The following CASTOR2 variants were observed in gnomAD, a reference collection of about 807,000 sequenced individuals.
CASTOR2 encodes cytosolic arginine sensor for mTORC1 subunit 2, also known as GATS protein like 2.
A neutral mutation model predicts 31.2 loss-of-function variants in CASTOR2; 8 were observed. That is an observed-to-expected ratio of 0.26 (90% confidence interval 0.15 to 0.46). The LOEUF is 0.46. CASTOR2 is among the 20% of genes least tolerant of loss of function. The pLI is 0.99. For missense variants in CASTOR2, 216 were observed against 382.1 expected (o/e 0.57, Z 3.62); for synonymous variants, 162 against 158.7 (o/e 1.02, Z -0.16).
At chr7:74,988,839 G>T (rs1247983110) in intron 1 of CASTOR2, among the ~76,000 whole-genome samples, 3 of 148,198 alleles carry the variant, frequency 2.0e-5, no homozygotes, top group Non-Finnish European at 4.4e-5. Context: ...GGCAGCCTGC[G>T]ATCTTCTGAG....
At position 75,026,189 on chromosome 7, in the gene CASTOR2, G is replaced by GGTTTTTTTTTTT. The variant is rs1554440884; in HGVS notation, c.*1490_*1491insGTTTTTTTTTTT. ...CCCTGTGGTTTTGGCTCTGGCGGGG[G>GGTTTTTTTTTTT]TTTTTTTTTTTTTTTTTGAGATGGG... On this transcript the variant is annotated 3_prime_UTR_variant, in exon 9 of 9. Transcript: ENST00000616305. Among the ~76,000 whole-genome samples, 2 of 117,744 alleles carry GGTTTTTTTTTTT rather than the reference G, an allele frequency of 1.7e-5. No homozygotes were observed. Among genetic ancestry groups the GGTTTTTTTTTTT allele is most frequent in the Non-Finnish European group, 1.8e-5 (1 of 56,722 alleles). The allele number at this position is 117,744 out of a possible 152,430, so 77.2% of individuals were successfully genotyped here.
intron 1 of CASTOR2, among the ~76,000 whole-genome samples, chr7:74,979,135 C>A (rs1398577846): frequency 5.9e-5 from 9 of 151,886 alleles, no homozygotes; most frequent in Non-Finnish European, 1.2e-4. Flanking sequence ...CCACCGTACT[C>A]CAGCCAGGCA....
At chr7:75,012,029 C>T (rs1554439512) in intron 2 of CASTOR2, among the ~76,000 whole-genome samples, 1 of 151,748 alleles carries the variant, frequency 6.6e-6, no homozygotes, top group African/African-American at 2.4e-5. Flanking sequence ...AGCAAGCAGA[C>T]ATTAACTTGC....
At chr7:75,016,803 G>A (rs1333994745) in intron 2 of CASTOR2, among the ~76,000 whole-genome samples, 31 of 152,322 alleles carry the variant, frequency 2.0e-4, no homozygotes, top group Middle Eastern at 6.8e-3. Flanking sequence ...TAAGCTGCCG[G>A]GGATGTCCTG....
At chr7:74,976,531 T>TCTCCTCCTCCTCCTCCTC in intron 1 of CASTOR2, among the ~76,000 whole-genome samples, 1 of 118,892 alleles carries the variant, frequency 8.4e-6, no homozygotes, top group East Asian at 2.4e-4. Flanking sequence ...TGAGACCCTG[T>TCTCCTCCTCCTCCTCCTC]CTCCTCCTCC....
chr7:75,020,696 A>G (rs1428625080), intron 6 of CASTOR2, among the ~76,000 whole-genome samples: 11 of 151,770 alleles, frequency 7.2e-5, no homozygotes, highest in African/African-American at 2.2e-4. Flanking sequence ...TCACCATGTT[A>G]GCCAAGATGG....
intron 7 of CASTOR2, among the ~76,000 whole-genome samples, chr7:75,023,813 C>CT (rs2131958958): frequency 6.6e-6 from 1 of 152,302 alleles, no homozygotes; most frequent in South Asian, 2.1e-4. Context: ...GAGGATGAGG[C>CT]TAAACCATTC....
At chr7:74,998,429 C>T (rs1172790925) in intron 1 of CASTOR2, among the ~76,000 whole-genome samples, 2 of 152,128 alleles carry the variant, frequency 1.3e-5, no homozygotes, top group South Asian at 2.1e-4. Flanking sequence ...CATGGCGAAA[C>T]CCCATCTCTA....
chr7:75,019,901 G>T, intron 5 of CASTOR2, 138 bp from the exon 6 acceptor site: 2 of 714,272 alleles, frequency 2.8e-6, no homozygotes, highest in South Asian at 1.9e-5. Context: ...GTGGCATAGC[G>T]AGCAGGATGA....
chr7:75,010,481 G>T (rs1210707665), intron 2 of CASTOR2, among the ~76,000 whole-genome samples: 3 of 152,062 alleles, frequency 2.0e-5, no homozygotes, highest in African/African-American at 2.4e-5. Flanking sequence ...ATTCCTGGGG[G>T]TGAGTAAGCT....
rs910667104 is a variant in CASTOR2 at position 75,031,199 on chromosome 7, G to T, written c.*6500G>T. Among the ~76,000 whole-genome samples the T allele has an allele frequency of 8.5e-5, 13 of 152,126 alleles. No individual in the cohort carries two copies. Among genetic ancestry groups the T allele is most frequent in the South Asian group, 2.1e-4 (1 of 4,830 alleles). ...GGGGTGAGTGGATGGATGGTGTACT[G>T]AGGGGCCTCTGCCCTGCCCAGAGCC... On this transcript the variant is annotated 3_prime_UTR_variant, in exon 9 of 9. Transcript: ENST00000616305.
chr7:74,996,402 G>A (rs1427206254), intron 1 of CASTOR2, among the ~76,000 whole-genome samples: 1 of 152,094 alleles, frequency 6.6e-6, no homozygotes, highest in Non-Finnish European at 1.5e-5. Flanking sequence ...TGTCCCCAAA[G>A]TCCTTTAATA....
intron 2 of CASTOR2, among the ~76,000 whole-genome samples, chr7:75,016,400 A>G (rs1423534187): frequency 6.6e-6 from 1 of 152,170 alleles, no homozygotes; most frequent in African/African-American, 2.4e-5. Flanking sequence ...GCCAAAGCCA[A>G]TGCCAGCCCC....
rs1016367648 is a variant in CASTOR2 at position 75,025,465 on chromosome 7, C to T, written c.*766C>T. ...AGCACCAGCTCCTGTCCCCTCGGCTCTCCCTGGACCCGACTTGGGCAGGTA... is the reference window on the plus strand; with the variant it reads ...AGCACCAGCTCCTGTCCCCTCGGCTTTCCCTGGACCCGACTTGGGCAGGTA... On this transcript the variant is annotated 3_prime_UTR_variant, in exon 9 of 9. Transcript: ENST00000616305. Among the ~76,000 whole-genome samples the T allele has an allele frequency of 1.3e-5, 2 of 152,240 alleles. No homozygotes were observed. Among genetic ancestry groups the T allele is most frequent in the African/African-American group, 4.8e-5 (2 of 41,472 alleles).
At chr7:74,986,766 C>T (rs1804076220) in intron 1 of CASTOR2, among the ~76,000 whole-genome samples, 1 of 152,202 alleles carries the variant, frequency 6.6e-6, no homozygotes, top group East Asian at 1.9e-4. Context: ...AATGGTTTGG[C>T]CAGGTGCAGT....
At chr7:75,018,822 A>G in intron 4 of CASTOR2, 150 bp from the exon 5 acceptor site, 2 of 1,298,632 alleles carry the variant, frequency 1.5e-6, no homozygotes, top group Admixed American at 4.1e-5. Context: ...GACGGTGGTA[A>G]TTGGTGGTAG....
rs1804850581 is a variant in CASTOR2 at position 75,015,796 on chromosome 7, G to C, written c.185-1802G>C. Among the ~76,000 whole-genome samples the C allele has an allele frequency of 9.2e-5, 14 of 152,184 alleles. No individual in the cohort carries two copies. In the South Asian group the frequency reaches 2.9e-3, roughly 32 times the overall value. ...AATAACCCTGCCTCGGCCAGGCGCG[G>C]TGGCTCACGATTGTAATCCCAGCCC... is the stretch of plus-strand genomic sequence containing the variant. On this transcript the variant is annotated intron_variant, in intron 2 of 8. Transcript: ENST00000616305.
chr7:75,010,724 C>G (rs1804723376), intron 2 of CASTOR2, among the ~76,000 whole-genome samples: 1 of 152,146 alleles, frequency 6.6e-6, no homozygotes, highest in Admixed American at 6.6e-5. Flanking sequence ...AGCCAGCCAG[C>G]CTTACCTCTG....
chr7:74,974,252 A>G (rs1158876018), intron 1 of CASTOR2, among the ~76,000 whole-genome samples: 1 of 147,188 alleles, frequency 6.8e-6, no homozygotes, highest in Non-Finnish European at 1.5e-5. Flanking sequence ...GCAGGGAACA[A>G]GCCACTGTCC....
Sources: allele counts gnomAD v4.1 joint callset (sites outside exome capture counted in the v4.1 genomes callset), GRCh38; gene constraint gnomAD v4.1.1; transcripts MANE v1.5; gene names NCBI Gene and HGNC (gene_info 2026-07-23, HGNC 2026-07-21).